C3orf20: variants seen among roughly 807,000 people sequenced by gnomAD.
The protein encoded by C3orf20 is uncharacterized protein C3orf20.
A neutral mutation model predicts 88.3 loss-of-function variants in C3orf20; 76 were observed. The ratio of observed to expected loss-of-function variants is 0.86; its 90% CI spans 0.72 to 1.04. The LOEUF is 1.04. Ranked by LOEUF, C3orf20 falls within the 50% of genes least tolerant of loss-of-function variation. The pLI is 0.00. For missense variants in C3orf20, 1,056 were observed against 1,123.3 expected, an observed-to-expected ratio of 0.94 and a Z score of 0.86; for synonymous variants, 436 against 437.4, an observed-to-expected ratio of 1.00 and a Z score of 0.04.
At chr3:14,676,601 A>G (rs959509103) in intron 1 of C3orf20, among the ~76,000 whole-genome samples, 4 of 152,146 alleles carry the variant, frequency 2.6e-5, no homozygotes, top group African/African-American at 9.7e-5. Flanking sequence ...CGATCTTTAT[A>G]CAGATAACTT....
chr3:14,768,254 A>T lies in C3orf20; in HGVS notation c.2496-3813A>T, dbSNP rs536375040. On this transcript the variant is annotated intron_variant, in intron 15 of 16. Coordinates refer to ENST00000253697, the MANE Select transcript of C3orf20 (RefSeq NM_032137.5). The surrounding 1 kb of genome is among the most constrained non-coding windows in gnomAD (Gnocchi z 4.1). The stretch of plus-strand genomic sequence containing the variant: ...GGGGGCCCACACCCTCGTCCGCTGC[A>T]TACACCAAGACCCCTCCAAGGATGG... Among the ~76,000 whole-genome samples the T allele has an allele frequency of 6.6e-6, 1 of 152,018 alleles. No homozygotes were observed. The highest frequency in any genetic ancestry group is 2.4e-5 in the African/African-American group (1 of 41,312).
chr3:14,680,028 A>G (rs768796989), intron 1 of C3orf20, among the ~76,000 whole-genome samples: 3 of 152,234 alleles, frequency 2.0e-5, no homozygotes, highest in Non-Finnish European at 4.4e-5. Flanking sequence ...AAGTGCTGGC[A>G]AAGAGAGAAA....
chr3:14,770,659 C>G (rs1255827970), intron 15 of C3orf20, among the ~76,000 whole-genome samples: 1 of 152,198 alleles, frequency 6.6e-6, no homozygotes, highest in African/African-American at 2.4e-5. Flanking sequence ...ATACTGCTAC[C>G]CATGACCCCC....
chr3:14,751,298 G>C (rs2035212240), intron 12 of C3orf20, among the ~76,000 whole-genome samples: 1 of 152,194 alleles, frequency 6.6e-6, no homozygotes, highest in African/African-American at 2.4e-5. Context: ...AGCTCCCAGT[G>C]AGATTGACAT....
At chr3:14,690,148 T>C in intron 5 of C3orf20, 32 bp downstream of exon 5, 1 of 1,613,408 alleles carries the variant, frequency 6.2e-7, no homozygotes, top group Non-Finnish European at 8.5e-7. Flanking sequence ...CTACCATTCA[T>C]TGGTGGTGGC....
Position 14,707,820 on chromosome 3 carries a change from C to CTTTTTTT in C3orf20, c.1160+3212_1160+3218dup, listed in dbSNP as rs60474912. On this transcript the variant is annotated intron_variant, in intron 7 of 16. Transcript: ENST00000253697. ...ATAACATTTACCCCTGTGTTTTCCTCTTTTTTTTTTTTTTTTGAGACAGAG... is the reference window on the plus strand; with the variant it reads ...ATAACATTTACCCCTGTGTTTTCCTCTTTTTTTTTTTTTTTTTTTTTTTGAGACAGAG... Among the ~76,000 whole-genome samples the CTTTTTTT allele has an allele frequency of 3.6e-3, 441 of 122,058 alleles. 19 individuals are homozygous for CTTTTTTT. Among genetic ancestry groups the CTTTTTTT allele is most frequent in the African/African-American group, 6.8e-3 (213 of 31,536 alleles). The allele number at this position is 122,058 out of a possible 152,430, so 80.1% of individuals were successfully genotyped here.
rs778546499 is a variant in C3orf20 at position 14,757,371 on chromosome 3, A to G, written c.1941A>G (p.Arg647=). The part of the protein sequence containing the change: ...KIHTKAKVTS[R]GKAREGRSPT... ...CTGTGCACTGTGCTCCTCCTTGCAG[A>G]GGGAAGGCCCGCGAGGGGCGCAGCC... The change falls in exon 13 of 17, where the codon AGA becomes AGG. Residue 647 remains arginine (R), a splice_region_variant and synonymous_variant. Transcript: ENST00000253697. 1 of 1,610,230 alleles carries G rather than the reference A, an allele frequency of 6.2e-7. No individual in the cohort carries two copies. Among genetic ancestry groups the G allele is most frequent in the Admixed American group, 1.7e-5 (1 of 59,836 alleles).
chr3:14,756,844 G>A (rs752294826), intron 12 of C3orf20, among the ~76,000 whole-genome samples: 8 of 152,192 alleles, frequency 5.3e-5, no homozygotes, highest in East Asian at 3.8e-4. Context: ...GAAAGCCACC[G>A]GAGGGTTTTG....
At chr3:14,771,960 G>A (rs2035868594) in intron 15 of C3orf20, 107 bp from the exon 16 acceptor site, 9 of 1,417,936 alleles carry the variant, frequency 6.3e-6, no homozygotes, top group Non-Finnish European at 8.7e-6. Context: ...CCCTCAGGAG[G>A]AGAAGCACTT....
rs1188139162 is a variant in C3orf20 at position 14,708,471 on chromosome 3, CT to C, written c.1160+3865del. On this transcript the variant is annotated intron_variant, in intron 7 of 16. Coordinates refer to ENST00000253697, the MANE Select transcript of C3orf20 (RefSeq NM_032137.5). ...AAATAAGGTAGTGTGAGTCCTCCCA[CT>C]TTTTTTTTTTTCAAGACTATTTTGG... 2.9e-3 allele frequency among the ~76,000 whole-genome samples: 407 copies of C among 140,644 alleles called. 1 individual carries two copies. Among genetic ancestry groups the C allele is most frequent in the African/African-American group, 8.4e-3 (323 of 38,464 alleles). 92.3% of individuals were successfully genotyped at this position (140,644 alleles called of 152,430 possible).
intron 10 of C3orf20, among the ~76,000 whole-genome samples, chr3:14,726,437 G>A (rs945018281): frequency 3.3e-5 from 5 of 152,246 alleles, no homozygotes; most frequent in African/African-American, 1.2e-4. Flanking sequence ...GAGGCCGGCA[G>A]AGAACGCTCT....
intron 5 of C3orf20, among the ~76,000 whole-genome samples, chr3:14,697,899 T>C (rs912808336): frequency 6.6e-6 from 1 of 152,174 alleles, no homozygotes; most frequent in Non-Finnish European, 1.5e-5. Flanking sequence ...CATCCTTTTT[T>C]ATGGCTGCAT....
chr3:14,693,985 T>C (rs1376052826), intron 5 of C3orf20, among the ~76,000 whole-genome samples: 1 of 152,216 alleles, frequency 6.6e-6, no homozygotes, highest in African/African-American at 2.4e-5. Context: ...TGATAGGATG[T>C]ATCACATTGA....
At chr3:14,727,114 C>A in intron 11 of C3orf20, 90 bp downstream of exon 11, 2 of 1,388,794 alleles carry the variant, frequency 1.4e-6, no homozygotes, top group Non-Finnish European at 1.0e-6. Flanking sequence ...CAGACCTTTA[C>A]TTTACCGCCC....
rs1690744400 is a variant in C3orf20 at position 14,772,967 on chromosome 3, C to G, written c.*92C>G. 7.5e-6 allele frequency: 7 copies of G among 933,018 alleles called. No homozygotes were observed. The Admixed American group carries it at 1.3e-4, about 17-fold the overall frequency. 57.8% of individuals were successfully genotyped at this position (933,018 alleles called of 1,614,324 possible). The stretch of plus-strand genomic sequence containing the variant: ...AGCCCTGCCTCCCCGGTCTCCCACC[C>G]TGTCCTCCAAGCTTCTATAATAAAC... On this transcript the variant is annotated 3_prime_UTR_variant, in exon 17 of 17. Transcript: ENST00000253697. The surrounding 1 kb of genome is among the most constrained non-coding windows in gnomAD (Gnocchi z 4.2).
chr3:14,703,240 C>G lies in C3orf20; in HGVS notation c.856C>G (p.Leu286Val). The stretch of plus-strand genomic sequence containing the variant: ...CCCCTGCCCTGAGGCCCGGGAGAAG[C>G]TGCAGGAGTTGTGTCGCCACATGTG... Reference protein sequence around the residue: ...SDPCPEAREKLQELCRHIEAE... With the variant: ...SDPCPEAREKVQELCRHIEAE... The change falls in exon 6 of 17, where the codon CTG (leucine) becomes GTG (valine). Residue 286 changes from leucine (L) to valine (V), a missense_variant. Coordinates refer to ENST00000253697, the MANE Select transcript of C3orf20 (RefSeq NM_032137.5). The G allele has an allele frequency of 6.2e-7, 1 of 1,614,182 alleles. No homozygotes were observed. Among genetic ancestry groups the G allele is most frequent in the African/African-American group, 1.3e-5 (1 of 75,056 alleles).
Position 14,689,990 on chromosome 3 carries a change from A to G in C3orf20, c.626-7A>G. ...TGAAAGAAGAATCTCTCTCTCTCCC[A>G]CTCCAGAGTCCCTCGCAAACATGTC... is the stretch of plus-strand genomic sequence containing the variant. On this transcript the variant is annotated splice_polypyrimidine_tract_variant and splice_region_variant and intron_variant, in intron 4 of 16. Transcript: ENST00000253697. 6.2e-7 allele frequency: 1 copy of G among 1,613,974 alleles called. No homozygotes were observed. Among genetic ancestry groups the G allele is most frequent in the Non-Finnish European group, 8.5e-7 (1 of 1,179,970 alleles).
At chr3:14,707,800 A>G (rs1359798768) in intron 7 of C3orf20, among the ~76,000 whole-genome samples, 2 of 137,972 alleles carry the variant, frequency 1.4e-5, no homozygotes, top group Non-Finnish European at 3.1e-5. Flanking sequence ...AGGTTATAAC[A>G]TTTACCCCTG....
At chr3:14,722,801 G>A (rs920673740) in intron 10 of C3orf20, among the ~76,000 whole-genome samples, 1 of 152,118 alleles carries the variant, frequency 6.6e-6, no homozygotes, top group South Asian at 2.1e-4. Flanking sequence ...TCATTCAGTG[G>A]GTCATCATGG....
Sources: gnomAD v4.1 joint callset for allele counts (sites outside exome capture counted in the v4.1 genomes callset) on GRCh38, gnomAD v4.1.1 for gene constraint, Gnocchi (gnomAD v3.1) non-coding constraint, MANE v1.5 for transcripts, NCBI Gene and HGNC (gene_info 2026-07-23, HGNC 2026-07-21) for gene names.